Variants in ZNRF3 observed in about 807,000 individuals in gnomAD.
ZNRF3 encodes the protein zinc and ring finger 3.
ZNRF3 carries 23 observed loss-of-function variants against 72.5 expected under a neutral mutation model. The observed-to-expected ratio is 0.32, with a 90% CI of 0.23 to 0.45. ZNRF3 has a LOEUF of 0.45. Ranked by LOEUF, ZNRF3 falls within the 20% of genes least tolerant of loss-of-function variation. The probability of loss-of-function intolerance (pLI) is 1.00; values close to 1 mark genes in which losing one functional copy is unlikely to be tolerated. For missense variants in ZNRF3, 1,169 were observed against 1,272.1 expected (o/e 0.92, Z 1.23); for synonymous variants, 610 against 545.3 (o/e 1.12, Z -1.65).
At chr22:28,924,113 G>C (rs960419011) in intron 1 of ZNRF3, among the ~76,000 whole-genome samples, 4 of 152,268 alleles carry the variant, frequency 2.6e-5, no homozygotes, top group African/African-American at 9.6e-5. Context: ...CGTAGCCTGT[G>C]AGACAGGTTC....
chr22:28,902,155 T>G (rs1018682476), intron 1 of ZNRF3, among the ~76,000 whole-genome samples: 2 of 152,096 alleles, frequency 1.3e-5, no homozygotes, highest in Non-Finnish European at 2.9e-5. Flanking sequence ...CAGGCTGGTC[T>G]TGAACTCCTG....
At chr22:29,041,657 A>T (rs1316321971) in intron 2 of ZNRF3, among the ~76,000 whole-genome samples, 1 of 152,194 alleles carries the variant, frequency 6.6e-6, no homozygotes, top group East Asian at 1.9e-4. Context: ...GGTTTGAGCC[A>T]GGAAACCTGC....
At chr22:28,946,421 C>T (rs1381245320) in intron 1 of ZNRF3, among the ~76,000 whole-genome samples, 3 of 152,232 alleles carry the variant, frequency 2.0e-5, no homozygotes, top group Admixed American at 6.5e-5. Flanking sequence ...GAAGTTATAT[C>T]GCTTAGCAGG....
At chr22:28,984,618 G>A (rs531401480) in intron 1 of ZNRF3, among the ~76,000 whole-genome samples, 1 of 152,204 alleles carries the variant, frequency 6.6e-6, no homozygotes, top group Non-Finnish European at 1.5e-5. Context: ...CCGTTACCAT[G>A]ATTTGACCTG....
At chr22:28,978,703 C>A (rs962986702) in intron 1 of ZNRF3, among the ~76,000 whole-genome samples, 1 of 151,676 alleles carries the variant, frequency 6.6e-6, no homozygotes, top group African/African-American at 2.4e-5. Context: ...CTTGTTTCAC[C>A]TTCACCACCC....
intron 2 of ZNRF3, among the ~76,000 whole-genome samples, chr22:29,004,326 G>A (rs2036201908): frequency 6.6e-6 from 1 of 152,184 alleles, no homozygotes; most frequent in African/African-American, 2.4e-5. Flanking sequence ...AAAAAGCCCA[G>A]GTAGATTTTT....
chr22:28,921,129 A>AC (rs2034504443), intron 1 of ZNRF3, among the ~76,000 whole-genome samples: 1 of 151,184 alleles, frequency 6.6e-6, no homozygotes, highest in Non-Finnish European at 1.5e-5. Flanking sequence ...TGTTTAAAAA[A>AC]CCCCCACCAA....
At position 29,046,873 on chromosome 22, in the gene ZNRF3, T is replaced by C. The variant is rs1203378574; in HGVS notation, c.902T>C (p.Ile301Thr). The change falls in exon 6 of 9, where the codon ATT becomes ACT. Residue 301 changes from isoleucine (I) to threonine (T), a missense_variant. Physicochemically the swap from Ile to Thr is moderately conservative, Grantham distance 89. Coordinates refer to ENST00000544604, the MANE Select transcript of ZNRF3 (RefSeq NM_001206998.2). ...TGTGCCATCTGTCTGGAGAAGTACA[T>C]TGATGGAGAGGTAATGGCAGAAGCA... Reference protein sequence around the residue: ...SDCAICLEKYIDGEELRVIPC... With the variant: ...SDCAICLEKYTDGEELRVIPC... 6.3e-7 allele frequency: 1 copy of C among 1,581,538 alleles called. No individual in the cohort carries two copies. The highest frequency in any genetic ancestry group is 1.2e-5 in the South Asian group (1 of 85,210).
At chr22:28,891,955 T>G (rs1274013771) in intron 1 of ZNRF3, among the ~76,000 whole-genome samples, 1 of 152,238 alleles carries the variant, frequency 6.6e-6, no homozygotes, top group Non-Finnish European at 1.5e-5. Context: ...CTTCTGTTGT[T>G]TTCAGCTATT....
At chr22:28,993,931 C>T (rs1334433951) in intron 2 of ZNRF3, among the ~76,000 whole-genome samples, 1 of 152,184 alleles carries the variant, frequency 6.6e-6, no homozygotes, top group Non-Finnish European at 1.5e-5. Flanking sequence ...CTCCTGCCTC[C>T]CAAAGTGCTG....
Position 29,048,273 on chromosome 22 carries a change from A to C in ZNRF3, c.913-116A>C. The C allele has an allele frequency of 1.4e-6, 1 of 707,510 alleles. No homozygotes were observed. 43.8% of individuals were successfully genotyped at this position (707,510 alleles called of 1,614,324 possible). A position where few individuals can be genotyped will look rare whatever the true frequency, so the allele number is the denominator to read the frequency against. ...TGAGCCCTAATTGGAGGTGGGGAGG[A>C]GAGTAGGGAAGGGCACGGGCATGCT... On this transcript the variant is annotated intron_variant, in intron 6 of 8. Coordinates refer to ENST00000544604, the MANE Select transcript of ZNRF3 (RefSeq NM_001206998.2). This position sits in a 1 kb window ranked among gnomAD's most constrained non-coding sequence, Gnocchi z 4.9.
chr22:28,931,231 C>T (rs1250848087), intron 1 of ZNRF3, among the ~76,000 whole-genome samples: 3 of 152,152 alleles, frequency 2.0e-5, no homozygotes, highest in East Asian at 3.8e-4. Flanking sequence ...AAATTAGAGC[C>T]GTCTGCTAGT....
At chr22:28,995,638 C>G (rs2036034009) in intron 2 of ZNRF3, among the ~76,000 whole-genome samples, 1 of 152,186 alleles carries the variant, frequency 6.6e-6, no homozygotes, top group African/African-American at 2.4e-5. Flanking sequence ...CATTGTCTCA[C>G]TGAGTTCTCT....
chr22:29,004,619 G>GTGTC (rs1392820090), intron 2 of ZNRF3, among the ~76,000 whole-genome samples: 2 of 152,204 alleles, frequency 1.3e-5, no homozygotes, highest in Non-Finnish European at 2.9e-5. Context: ...GCTGTGCTTT[G>GTGTC]TGTCTCTTCA....
chr22:28,910,174 T>G (rs1018618425), intron 1 of ZNRF3, among the ~76,000 whole-genome samples: 6 of 152,168 alleles, frequency 3.9e-5, no homozygotes, highest in African/African-American at 1.4e-4. Context: ...TAGTTGTGAT[T>G]ACAGGTGCCC....
intron 1 of ZNRF3, among the ~76,000 whole-genome samples, chr22:28,929,666 C>G (rs906725591): frequency 1.3e-5 from 2 of 152,210 alleles, no homozygotes; most frequent in African/African-American, 4.8e-5. Flanking sequence ...TGTCCACTGG[C>G]CAAGGGATTG....
intron 1 of ZNRF3, among the ~76,000 whole-genome samples, chr22:28,951,755 G>A (rs1159806354): frequency 6.6e-6 from 1 of 152,310 alleles, no homozygotes; most frequent in East Asian, 1.9e-4. Flanking sequence ...CTCCCAGGGT[G>A]ACCTGTGCGC....
intron 1 of ZNRF3, among the ~76,000 whole-genome samples, chr22:28,909,871 G>T (rs2034284424): frequency 6.6e-6 from 1 of 151,462 alleles, no homozygotes; most frequent in African/African-American, 2.4e-5. Flanking sequence ...GGAATTACAG[G>T]TGTGAGCCAC....
At chr22:28,930,141 CT>C (rs372965827) in intron 1 of ZNRF3, among the ~76,000 whole-genome samples, 1,882 of 151,256 alleles carry the variant, frequency 0.012, 35 homozygotes, top group African/African-American at 0.041. Context: ...CTCTCAGGTG[CT>C]TTTTTTTGGT....
Sources: allele counts gnomAD v4.1 joint callset (sites outside exome capture counted in the v4.1 genomes callset), GRCh38; gene constraint gnomAD v4.1.1; non-coding constraint Gnocchi (gnomAD v3.1); transcripts MANE v1.5; gene names NCBI Gene and HGNC (gene_info 2026-07-23, HGNC 2026-07-21).